Variants in CDH13 observed in about 807,000 individuals in gnomAD.
The protein encoded by CDH13 is cadherin 13.
CDH13 carries 24 observed loss-of-function variants against 63.8 expected under a neutral mutation model. That is an observed-to-expected ratio of 0.38 (90% confidence interval 0.27 to 0.53). The LOEUF is 0.53. CDH13 is among the 20% of genes least tolerant of loss of function. The probability of loss-of-function intolerance (pLI) is 0.85; values close to 1 mark genes in which losing one functional copy is unlikely to be tolerated. For missense variants in CDH13, 1,049 were observed against 903.1 expected, an observed-to-expected ratio of 1.16 and a Z score of -2.07; for synonymous variants, 503 against 355.3, an observed-to-expected ratio of 1.42 and a Z score of -4.67.
At chr16:82,990,516 C>A (rs1372929552) in intron 2 of CDH13, among the ~76,000 whole-genome samples, 1 of 151,304 alleles carries the variant, frequency 6.6e-6, no homozygotes, top group East Asian at 1.9e-4. Flanking sequence ...TCCATCTCTT[C>A]CTTGTCGTTT....
intron 3 of CDH13, among the ~76,000 whole-genome samples, chr16:83,100,325 T>G (rs957547980): frequency 6.6e-6 from 1 of 151,838 alleles, no homozygotes; most frequent in Non-Finnish European, 1.5e-5. Flanking sequence ...AGAAGGGAAA[T>G]AGGAAGTGTT....
chr16:83,084,919 T>A (rs2033484870), intron 3 of CDH13, among the ~76,000 whole-genome samples: 1 of 152,164 alleles, frequency 6.6e-6, no homozygotes, highest in Admixed American at 6.5e-5. Context: ...TAAGTAGAGG[T>A]GTTTTTCTTG....
chr16:82,831,458 A>C (rs2038537150), intron 1 of CDH13, among the ~76,000 whole-genome samples: 2 of 152,170 alleles, frequency 1.3e-5, no homozygotes, highest in Non-Finnish European at 2.9e-5. Context: ...CTATTGCTTA[A>C]TAAATGCAGT....
At chr16:82,965,843 G>A (rs1044980334) in intron 2 of CDH13, among the ~76,000 whole-genome samples, 3 of 152,162 alleles carry the variant, frequency 2.0e-5, no homozygotes, top group Non-Finnish European at 4.4e-5. Context: ...TAGCCCACTG[G>A]TTTACATTGT....
chr16:83,246,575 A>C (rs1252389804), intron 5 of CDH13, among the ~76,000 whole-genome samples: 1 of 152,096 alleles, frequency 6.6e-6, no homozygotes, highest in Non-Finnish European at 1.5e-5. Flanking sequence ...TTTTAGAAGC[A>C]ATTACCAATT....
intron 6 of CDH13, among the ~76,000 whole-genome samples, chr16:83,436,595 C>T (rs34486975): frequency 1.3e-5 from 2 of 152,152 alleles, no homozygotes; most frequent in Non-Finnish European, 2.9e-5. Context: ...AATCTGTTAG[C>T]CTTCCCTGAA....
At chr16:83,349,855 C>A (rs561059477) in intron 6 of CDH13, among the ~76,000 whole-genome samples, 1 of 152,216 alleles carries the variant, frequency 6.6e-6, no homozygotes, top group East Asian at 1.9e-4. Flanking sequence ...CCCACCTTGG[C>A]CTCCCAAATG....
intron 10 of CDH13, among the ~76,000 whole-genome samples, chr16:83,733,892 C>T (rs1313932531): frequency 3.3e-5 from 5 of 152,212 alleles, no homozygotes; most frequent in Non-Finnish European, 7.3e-5. Context: ...GCAAGCAGCG[C>T]AGCCTGAGAC....
At chr16:83,364,788 G>C (rs938982909) in intron 6 of CDH13, among the ~76,000 whole-genome samples, 1 of 152,170 alleles carries the variant, frequency 6.6e-6, no homozygotes, top group African/African-American at 2.4e-5. Flanking sequence ...AGAAGAGAGA[G>C]AGAGATTCAT....
Position 83,158,469 on chromosome 16 carries a change from G to T in CDH13, c.483+32968G>T, listed in dbSNP as rs751116071. Among the ~76,000 whole-genome samples the T allele has an allele frequency of 2.0e-5, 3 of 152,180 alleles. No homozygotes were observed. The South Asian group carries it at 6.2e-4, about 32-fold the overall frequency. On this transcript the variant is annotated intron_variant, in intron 4 of 13. Transcript: ENST00000567109. ...GCCCTTCCAGGGAGCCCAGGCTCACGTGTACTTGCCAGGGCTGGCTGTCCC... is the reference window on the plus strand; with the variant it reads ...GCCCTTCCAGGGAGCCCAGGCTCACTTGTACTTGCCAGGGCTGGCTGTCCC...
chr16:83,034,849 G>A (rs1916702731), intron 3 of CDH13, among the ~76,000 whole-genome samples: 1 of 152,126 alleles, frequency 6.6e-6, no homozygotes, highest in Non-Finnish European at 1.5e-5. Flanking sequence ...ATGCCATCCA[G>A]AGACAAAGCT....
chr16:83,677,211 A>G (rs780443937), intron 9 of CDH13, among the ~76,000 whole-genome samples: 15 of 152,158 alleles, frequency 9.9e-5, no homozygotes, highest in Non-Finnish European at 1.9e-4. Context: ...AAAGAGAGTG[A>G]CAGACACTCA....
At chr16:82,665,043 T>C (rs1305752772) in intron 1 of CDH13, among the ~76,000 whole-genome samples, 3 of 152,214 alleles carry the variant, frequency 2.0e-5, no homozygotes, top group Admixed American at 6.5e-5. Context: ...TGCAGACATA[T>C]ACAGAGCTGT....
At chr16:83,122,420 T>C (rs1161448109) in intron 3 of CDH13, among the ~76,000 whole-genome samples, 2 of 152,230 alleles carry the variant, frequency 1.3e-5, no homozygotes, top group East Asian at 3.9e-4. Flanking sequence ...ACACATTTAA[T>C]TAAAAATATG....
chr16:83,269,496 CAGATCTT>C, intron 5 of CDH13, among the ~76,000 whole-genome samples: 3 of 150,390 alleles, frequency 2.0e-5, no homozygotes, highest in Non-Finnish European at 4.4e-5. Flanking sequence ...AATTCTTAAA[CAGATCTT>C]AGAATAGTGT....
At chr16:83,216,286 C>T (rs939477952) in intron 4 of CDH13, among the ~76,000 whole-genome samples, 3 of 149,616 alleles carry the variant, frequency 2.0e-5, no homozygotes, top group Non-Finnish European at 4.4e-5. Context: ...GGTTCTGAAC[C>T]CATTTTTATC....
intron 3 of CDH13, among the ~76,000 whole-genome samples, chr16:83,120,514 A>G (rs757616333): frequency 6.6e-5 from 10 of 152,200 alleles, no homozygotes; most frequent in South Asian, 2.1e-4. Flanking sequence ...ACTGAGGCCT[A>G]TGTTTGCTCT....
chr16:83,338,431 A>G (rs529164153), intron 5 of CDH13, among the ~76,000 whole-genome samples: 5 of 152,314 alleles, frequency 3.3e-5, no homozygotes, highest in East Asian at 3.9e-4. Context: ...TCTGCAGTCA[A>G]TATCATATCA....
intron 7 of CDH13, among the ~76,000 whole-genome samples, chr16:83,544,385 G>A (rs1479879455): frequency 6.6e-6 from 1 of 151,972 alleles, no homozygotes; most frequent in Non-Finnish European, 1.5e-5. Flanking sequence ...ATGGGTTTAT[G>A]ACCCGATAAA....
Sources: gnomAD v4.1 joint callset for allele counts (sites outside exome capture counted in the v4.1 genomes callset) on GRCh38, gnomAD v4.1.1 for gene constraint, MANE v1.5 for transcripts, NCBI Gene and HGNC (gene_info 2026-07-23, HGNC 2026-07-21) for gene names.